ASS1: variants seen among roughly 807,000 people sequenced by gnomAD.
ASS1 encodes the protein argininosuccinate synthase 1.
Under a neutral mutation model 60.5 loss-of-function variants are expected in ASS1, and 58 were observed. The observed-to-expected ratio is 0.96, with a 90% CI of 0.78 to 1.19. ASS1 has a LOEUF of 1.19. Ranked by LOEUF, ASS1 falls within the 50% of genes most tolerant of loss-of-function variation. The pLI, the probability that ASS1 is intolerant of heterozygous loss-of-function variation, is 0.00. For synonymous variants in ASS1, 200 were observed against 206.9 expected (o/e 0.97, Z 0.29); for missense variants, 454 against 547.3 (o/e 0.83, Z 1.70).
Position 130,477,505 on chromosome 9 carries a change from T to G in ASS1, c.688+544T>G, listed in dbSNP as rs1846050053. ...CCCACGTTCAAAGCTGCGGCCACTCTTGCTCCCCTCGGCAGTGGAGGCTGT... is the reference window on the plus strand; with the variant it reads ...CCCACGTTCAAAGCTGCGGCCACTCGTGCTCCCCTCGGCAGTGGAGGCTGT... On this transcript the variant is annotated intron_variant, in intron 9 of 14. Transcript: ENST00000352480. The surrounding 1 kb of genome is among the most constrained non-coding windows in gnomAD (Gnocchi z 4.2). Among the ~76,000 whole-genome samples, 1 of 152,330 alleles carries G rather than the reference T, an allele frequency of 6.6e-6. No individual in the cohort carries two copies. The highest frequency in any genetic ancestry group is 2.1e-4 in the South Asian group (1 of 4,820).
intron 13 of ASS1, among the ~76,000 whole-genome samples, chr9:130,496,126 C>T (rs1321369018): frequency 6.6e-6 from 1 of 151,978 alleles, no homozygotes; most frequent in Non-Finnish European, 1.5e-5. Flanking sequence ...TGGAGTGAGA[C>T]AAGAAGGGAA....
chr9:130,454,786 TCATCCATC>T (rs373152673), intron 3 of ASS1, among the ~76,000 whole-genome samples: 1,903 of 139,624 alleles, frequency 0.014, 52 homozygotes, highest in African/African-American at 0.051. Flanking sequence ...CATTCACCCA[TCATCCATC>T]CATCCATCCA....
intron 2 of ASS1, 119 bp downstream of exon 2, chr9:130,452,452 G>T: frequency 1.2e-6 from 1 of 829,938 alleles, no homozygotes. Flanking sequence ...ATTCAAGCCT[G>T]GCCTCTTCTC....
Position 130,489,240 on chromosome 9 carries a change from T to A in ASS1, c.839-93T>A. ...TCTCCTGTCAGACGACTCATTATTA[T>A]TATTATTTTTTTTTTTGTCATTTGC... On this transcript the variant is annotated intron_variant, in intron 11 of 14. Transcript: ENST00000352480. The surrounding 1 kb of genome is among the most constrained non-coding windows in gnomAD (Gnocchi z 4.1). 1 of 1,527,334 alleles carries A rather than the reference T, an allele frequency of 6.5e-7. No homozygotes were observed. The highest frequency in any genetic ancestry group is 9.0e-7 in the Non-Finnish European group (1 of 1,114,196). 94.6% of individuals were successfully genotyped at this position (1,527,334 alleles called of 1,614,324 possible).
In ASS1 at chr9:130,452,344, G is replaced by T. The variant is rs971804615; in HGVS notation, c.105+11G>T. Reference sequence around the variant, plus strand: ...GTCATTGCCTATCTGGTGAGGGAGCGACCTGGGTGTCTGTCTTCCTGCGTG... The same window carrying T: ...GTCATTGCCTATCTGGTGAGGGAGCTACCTGGGTGTCTGTCTTCCTGCGTG... On this transcript the variant is annotated intron_variant, in intron 2 of 14. Coordinates refer to ENST00000352480, the MANE Select transcript of ASS1 (RefSeq NM_054012.4). 7 of 1,609,522 alleles carry T rather than the reference G, an allele frequency of 4.3e-6. No individual in the cohort carries two copies. Among genetic ancestry groups the T allele is most frequent in the South Asian group, 2.2e-5 (2 of 90,968 alleles).
chr9:130,459,623 C>T lies in ASS1; in HGVS notation c.363+1034C>T, dbSNP rs1198050334. Among the ~76,000 whole-genome samples the T allele has an allele frequency of 2.6e-5, 4 of 152,078 alleles. No homozygotes were observed. Among genetic ancestry groups the T allele is most frequent in the East Asian group, 1.9e-4 (1 of 5,174 alleles). On this transcript the variant is annotated intron_variant, in intron 4 of 14. Transcript: ENST00000352480. This position sits in a 1 kb window ranked among gnomAD's most constrained non-coding sequence, Gnocchi z 4.6. Reference sequence around the variant, plus strand: ...TAATTTTTTGTATTTTTAGTAGAGACGGGGTTTCGCCATGTTGGGCAGGCT... The same window carrying T: ...TAATTTTTTGTATTTTTAGTAGAGATGGGGTTTCGCCATGTTGGGCAGGCT...
Position 130,488,072 on chromosome 9 carries a change from G to A in ASS1, c.839-1261G>A, listed in dbSNP as rs966170835. ...TGTGCCCGGCCCCCTTCCTTCTTAAGGCTGAATAATATTCCATCGTATGGA... is the reference window on the plus strand; with the variant it reads ...TGTGCCCGGCCCCCTTCCTTCTTAAAGCTGAATAATATTCCATCGTATGGA... On this transcript the variant is annotated intron_variant, in intron 11 of 14. Coordinates refer to ENST00000352480, the MANE Select transcript of ASS1 (RefSeq NM_054012.4). This position sits in a 1 kb window ranked among gnomAD's most constrained non-coding sequence, Gnocchi z 5.2. Among the ~76,000 whole-genome samples, 2 of 152,158 alleles carry A rather than the reference G, an allele frequency of 1.3e-5. No homozygotes were observed. Among genetic ancestry groups the A allele is most frequent in the African/African-American group, 4.8e-5 (2 of 41,432 alleles).
In ASS1 at chr9:130,458,704, G is replaced by C. The variant is rs1156761928; in HGVS notation, c.363+115G>C. ...TGCCTCCGGGGCAGACTTGGTGCAA[G>C]GCAGCTACATGGCTTTGTTTAGACC... On this transcript the variant is annotated intron_variant, in intron 4 of 14. Coordinates refer to ENST00000352480, the MANE Select transcript of ASS1 (RefSeq NM_054012.4). The C allele has an allele frequency of 2.8e-6, 4 of 1,403,812 alleles. No homozygotes were observed. The South Asian group carries it at 4.0e-5, about 14-fold the overall frequency. The allele number at this position is 1,403,812 out of a possible 1,614,324, so 87.0% of individuals were successfully genotyped here. A position where few individuals can be genotyped will look rare whatever the true frequency, so the allele number is the denominator to read the frequency against.
chr9:130,479,813 A>C lies in ASS1; in HGVS notation c.773+13A>C. 3 of 1,612,694 alleles carry C rather than the reference A, an allele frequency of 1.9e-6. No individual in the cohort carries two copies. Among genetic ancestry groups the C allele is most frequent in the Non-Finnish European group, 2.5e-6 (3 of 1,178,644 alleles). ...TGAACGAAGTCGCGTGAGTGTCTGCAGCCCTGTCCGGCCTCTTGGGAACCG... is the reference window on the plus strand; with the variant it reads ...TGAACGAAGTCGCGTGAGTGTCTGCCGCCCTGTCCGGCCTCTTGGGAACCG... On this transcript the variant is annotated intron_variant, in intron 10 of 14. Transcript: ENST00000352480.
intron 11 of ASS1, among the ~76,000 whole-genome samples, chr9:130,486,832 C>G (rs779242725): frequency 6.6e-6 from 1 of 152,234 alleles, no homozygotes; most frequent in Non-Finnish European, 1.5e-5. Flanking sequence ...CAGAGAGGTT[C>G]CCTTCTGCCC....
chr9:130,482,273 A>G (rs1237035529), intron 11 of ASS1, among the ~76,000 whole-genome samples: 1 of 151,782 alleles, frequency 6.6e-6, no homozygotes, highest in Admixed American at 6.6e-5. Context: ...TCCCCCGGGC[A>G]TGTGGAATGG....
intron 13 of ASS1, 119 bp downstream of exon 13, chr9:130,495,142 G>A (rs1282577205): frequency 7.3e-7 from 1 of 1,367,880 alleles, no homozygotes; most frequent in African/African-American, 1.4e-5. Flanking sequence ...ACAGAGTGAT[G>A]GTCACAGAGG....
chr9:130,497,287 T>C (rs1846628847), intron 13 of ASS1, among the ~76,000 whole-genome samples: 1 of 152,248 alleles, frequency 6.6e-6, no homozygotes, highest in Admixed American at 6.5e-5. Flanking sequence ...ATTTCCCTTT[T>C]CTTTTTGATT....
Position 130,494,937 on chromosome 9 carries a change from G to A in ASS1, c.1041G>A (p.Gly347=), listed in dbSNP as rs1387711366. The A allele has an allele frequency of 1.2e-6, 2 of 1,613,642 alleles. No individual in the cohort carries two copies. The highest frequency in any genetic ancestry group is 8.5e-7 in the Non-Finnish European group (1 of 1,179,966). ...CIAKSQERVE[G]KVQVSVLKGQ... ...CCAAGTCCCAGGAGCGAGTGGAAGG[G>A]AAAGTGCAGGTGTCCGTCCTCAAGG... The change falls in exon 13 of 15, where the codon GGG becomes GGA. Residue 347 remains glycine, a synonymous_variant. Transcript: ENST00000352480. The surrounding 1 kb of genome is among the most constrained non-coding windows in gnomAD (Gnocchi z 4.3).
At chr9:130,480,633 GC>G (rs1408292644) in intron 11 of ASS1, among the ~76,000 whole-genome samples, 184 bp downstream of exon 11, 1 of 152,252 alleles carries the variant, frequency 6.6e-6, no homozygotes, top group Non-Finnish European at 1.5e-5. Context: ...TGGGCCCTTT[GC>G]CCCTGACTTT....
chr9:130,501,173 CT>C lies in ASS1; in HGVS notation c.*153del. On this transcript the variant is annotated 3_prime_UTR_variant, in exon 15 of 15. Coordinates refer to ENST00000352480, the MANE Select transcript of ASS1 (RefSeq NM_054012.4). ...GCCCCAGCTTTGTTCCCTGGTCCCC[CT>C]GAAGCCTGCAAACGTTGTCATCGAA... The C allele has an allele frequency of 1.2e-6, 1 of 817,278 alleles. No homozygotes were observed. 50.6% of individuals were successfully genotyped at this position (817,278 alleles called of 1,614,324 possible).
intron 1 of ASS1, 174 bp downstream of exon 1, chr9:130,445,169 G>A (rs969501299): frequency 2.0e-6 from 2 of 985,440 alleles, no homozygotes; most frequent in Non-Finnish European, 2.4e-6. Flanking sequence ...AGGGGCTCCC[G>A]ATGCTCAAAC....
intron 3 of ASS1, among the ~76,000 whole-genome samples, chr9:130,457,660 C>T (rs538751306): frequency 1.3e-5 from 2 of 152,188 alleles, no homozygotes; most frequent in East Asian, 1.9e-4. Context: ...CCACTAGATG[C>T]CAGAATTCCA....
rs375489234 is a variant in ASS1 at position 130,449,477 on chromosome 9, C to T, written c.-5-2747C>T. Among the ~76,000 whole-genome samples, 3 of 152,028 alleles carry T rather than the reference C, an allele frequency of 2.0e-5. 1 individual carries two copies. The highest frequency in any genetic ancestry group is 7.2e-5 in the African/African-American group (3 of 41,388). On this transcript the variant is annotated intron_variant, in intron 1 of 14. Transcript: ENST00000352480. ...TTCTGTGGAGCTGCCTCTCTTGGCT[C>T]CAGGTGCCTCTGGGAGGAGGCAGGA...
Sources: gnomAD v4.1 joint callset for allele counts (sites outside exome capture counted in the v4.1 genomes callset) on GRCh38, gnomAD v4.1.1 for gene constraint, Gnocchi (gnomAD v3.1) non-coding constraint, MANE v1.5 for transcripts, NCBI Gene and HGNC (gene_info 2026-07-23, HGNC 2026-07-21) for gene names.